UBE2E2: variants seen among roughly 807,000 people sequenced by gnomAD.
The protein encoded by UBE2E2 is ubiquitin-conjugating enzyme E2 E2.
In UBE2E2, 6 loss-of-function variants were observed where a neutral mutation model predicts 24.7. That is an observed-to-expected ratio of 0.24 (90% CI 0.13 to 0.48). The LOEUF is 0.48. Among genes scored for constraint, UBE2E2 ranks in the 20% least tolerant of loss-of-function variants. The pLI is 0.99. For missense variants in UBE2E2, 169 were observed against 245.0 expected, an observed-to-expected ratio of 0.69 and a Z score of 2.07; for synonymous variants, 104 against 83.6, an observed-to-expected ratio of 1.24 and a Z score of -1.33.
intron 3 of UBE2E2, among the ~76,000 whole-genome samples, chr3:23,422,035 A>G (rs982724278): frequency 6.6e-6 from 1 of 152,234 alleles, no homozygotes; most frequent in African/African-American, 2.4e-5. Context: ...GTGAGTCACA[A>G]CATTAATGGG....
At position 23,480,496 on chromosome 3, in the gene UBE2E2, G is replaced by A. The variant is rs949080168; in HGVS notation, c.228-19112G>A. 7.2e-5 allele frequency among the ~76,000 whole-genome samples: 11 copies of A among 152,246 alleles called. No individual in the cohort carries two copies. In the South Asian group the frequency reaches 1.2e-3, roughly 17 times the overall value. ...CAGCTTAGTAGAGGGTGGGGCTCCCGCCTGATCCCAGCCCCGACCGGTTCC... is the reference window on the plus strand; with the variant it reads ...CAGCTTAGTAGAGGGTGGGGCTCCCACCTGATCCCAGCCCCGACCGGTTCC... On this transcript the variant is annotated intron_variant, in intron 3 of 5. Coordinates refer to ENST00000396703, the MANE Select transcript of UBE2E2 (RefSeq NM_152653.4).
intron 5 of UBE2E2, among the ~76,000 whole-genome samples, chr3:23,557,032 G>A (rs1159526135): frequency 6.6e-6 from 1 of 152,074 alleles, no homozygotes; most frequent in South Asian, 2.1e-4. Flanking sequence ...AACTCCTAAA[G>A]GAAGACCTAA....
At chr3:23,545,135 A>G (rs561931097) in intron 5 of UBE2E2, among the ~76,000 whole-genome samples, 4 of 152,046 alleles carry the variant, frequency 2.6e-5, no homozygotes, top group Non-Finnish European at 4.4e-5. Context: ...CGGGCAGGAG[A>G]CAGATGCCTT....
intron 3 of UBE2E2, among the ~76,000 whole-genome samples, chr3:23,457,640 C>T (rs1310317348): frequency 6.6e-6 from 1 of 152,160 alleles, no homozygotes; most frequent in Non-Finnish European, 1.5e-5. Flanking sequence ...CTCAGCCTCT[C>T]AGGTAACTTG....
intron 3 of UBE2E2, among the ~76,000 whole-genome samples, chr3:23,342,295 C>T (rs561634781): frequency 2.6e-5 from 4 of 152,002 alleles, no homozygotes; most frequent in African/African-American, 9.6e-5. Context: ...AGTGATCCTC[C>T]CACCTCAGCC....
intron 3 of UBE2E2, among the ~76,000 whole-genome samples, chr3:23,222,611 T>C (rs914693197): frequency 6.6e-6 from 1 of 152,218 alleles, no homozygotes; most frequent in Non-Finnish European, 1.5e-5. Context: ...TTCACCATAA[T>C]TGTGAGGCCT....
intron 3 of UBE2E2, among the ~76,000 whole-genome samples, chr3:23,328,662 C>CTTTTTTTTTTTTTTTTTTTT (rs11433089): frequency 6.9e-6 from 1 of 145,430 alleles, no homozygotes; most frequent in Non-Finnish European, 1.5e-5. Flanking sequence ...CTCTCTCTCT[C>CTTTTTTTTTTTTTTTTTTTT]TTTTTTTTTT....
At chr3:23,511,463 A>G (rs188548890) in intron 4 of UBE2E2, among the ~76,000 whole-genome samples, 6 of 152,348 alleles carry the variant, frequency 3.9e-5, no homozygotes, top group Non-Finnish European at 7.3e-5. Context: ...GGAAGTGCAG[A>G]AATGTTCAGC....
At chr3:23,332,677 GTGTGTGTGTGTGT>G (rs1695094214) in intron 3 of UBE2E2, among the ~76,000 whole-genome samples, 2 of 26,700 alleles carry the variant, frequency 7.5e-5, no homozygotes, top group African/African-American at 1.3e-4. Flanking sequence ...CCAGTGGGGT[GTGTGTGTGTGTGT>G]GTGTGTGTGT....
intron 3 of UBE2E2, among the ~76,000 whole-genome samples, chr3:23,475,883 A>G (rs1333369117): frequency 6.6e-6 from 1 of 152,112 alleles, no homozygotes; most frequent in Non-Finnish European, 1.5e-5. Context: ...TTTGATCTAA[A>G]AGCAGGATTT....
At chr3:23,355,615 T>G (rs1405451404) in intron 3 of UBE2E2, among the ~76,000 whole-genome samples, 1 of 152,176 alleles carries the variant, frequency 6.6e-6, no homozygotes, top group Admixed American at 6.5e-5. Context: ...TACAGTTACT[T>G]TTTTTTGTTT....
At chr3:23,272,203 G>T (rs1178141106) in intron 3 of UBE2E2, among the ~76,000 whole-genome samples, 1 of 152,218 alleles carries the variant, frequency 6.6e-6, no homozygotes, top group African/African-American at 2.4e-5. Context: ...GAGAGTTCGA[G>T]TGTGGCACGG....
At chr3:23,219,497 A>T (rs1299029585) in intron 3 of UBE2E2, among the ~76,000 whole-genome samples, 1 of 152,146 alleles carries the variant, frequency 6.6e-6, no homozygotes, top group Admixed American at 6.5e-5. Flanking sequence ...AGTTTGGCTT[A>T]TTTTTGGTCA....
intron 3 of UBE2E2, among the ~76,000 whole-genome samples, chr3:23,449,530 T>A (rs1243394254): frequency 6.6e-6 from 1 of 152,258 alleles, no homozygotes; most frequent in African/African-American, 2.4e-5. Context: ...TTTTCACCAC[T>A]GTCTGTTACT....
intron 3 of UBE2E2, among the ~76,000 whole-genome samples, chr3:23,448,261 C>G (rs1234617724): frequency 6.6e-6 from 1 of 152,180 alleles, no homozygotes; most frequent in Non-Finnish European, 1.5e-5. Flanking sequence ...CCCCTAGGAA[C>G]TTAGGTCAAC....
chr3:23,313,386 CTTTTTTTTT>C (rs34208918), intron 3 of UBE2E2, among the ~76,000 whole-genome samples: 1 of 111,872 alleles, frequency 8.9e-6, no homozygotes, highest in Admixed American at 1.1e-4. Flanking sequence ...ATCATTGGGT[CTTTTTTTTT>C]TTTTTTTTTT....
chr3:23,367,973 A>G (rs896593800), intron 3 of UBE2E2, among the ~76,000 whole-genome samples: 3 of 152,168 alleles, frequency 2.0e-5, no homozygotes, highest in African/African-American at 7.2e-5. Context: ...GTGGTGTGAG[A>G]GCAGAGGAAC....
Position 23,583,318 on chromosome 3 carries a change from T to C in UBE2E2, c.509-6416T>C, listed in dbSNP as rs113737708. Reference sequence around the variant, plus strand: ...TGTTTTTGTACCAGTATCATGCTGTTTTGGTTACTATAGCCTTGTAGTATG... The same window carrying C: ...TGTTTTTGTACCAGTATCATGCTGTCTTGGTTACTATAGCCTTGTAGTATG... On this transcript the variant is annotated intron_variant, in intron 5 of 5. Transcript: ENST00000396703. The surrounding 1 kb of genome is among the most constrained non-coding windows in gnomAD (Gnocchi z 4.1). Among the ~76,000 whole-genome samples the C allele has an allele frequency of 0.022, 3,387 of 152,344 alleles. 141 individuals are homozygous for C. Among genetic ancestry groups the C allele is most frequent in the African/African-American group, 0.076 (3,164 of 41,550 alleles).
chr3:23,360,231 G>A (rs1462665394), intron 3 of UBE2E2, among the ~76,000 whole-genome samples: 3 of 152,116 alleles, frequency 2.0e-5, no homozygotes, highest in Non-Finnish European at 2.9e-5. Context: ...AGTTCAGCAT[G>A]TTTATGCTGT....
Sources: gnomAD v4.1 joint callset for allele counts (sites outside exome capture counted in the v4.1 genomes callset) on GRCh38, gnomAD v4.1.1 for gene constraint, Gnocchi (gnomAD v3.1) non-coding constraint, MANE v1.5 for transcripts, NCBI Gene and HGNC (gene_info 2026-07-23, HGNC 2026-07-21) for gene names.